Variants in LYN observed in about 807,000 individuals in gnomAD.
LYN encodes the protein LYN proto-oncogene, Src family tyrosine kinase, also known as tyrosine-protein kinase Lyn.
A neutral mutation model predicts 65.0 loss-of-function variants in LYN; 12 were observed. The observed-to-expected ratio is 0.18, with a 90% confidence interval of 0.12 to 0.30. LYN has a LOEUF of 0.30. LYN is among the 10% of genes least tolerant of loss of function. LYN has a pLI of 1.00. For synonymous variants in LYN, 222 were observed against 221.2 expected (o/e 1.00, Z -0.03); for missense variants, 380 against 623.2 (o/e 0.61, Z 4.16).
Position 56,012,311 on chromosome 8 carries a change from C to T in LYN, c.*2201C>T, listed in dbSNP as rs16920208. 10,028 of 179,932 alleles carry T rather than the reference C, an allele frequency of 0.056. 427 individuals are homozygous for T. The highest frequency in any genetic ancestry group is 0.13 in the African/African-American group (5,418 of 42,416). The allele number at this position is 179,932 out of a possible 1,614,324, so 11.1% of individuals were successfully genotyped here. A position where few individuals can be genotyped will look rare whatever the true frequency, so the allele number is the denominator to read the frequency against. On this transcript the variant is annotated 3_prime_UTR_variant, in exon 13 of 13. Coordinates refer to ENST00000519728, the MANE Select transcript of LYN (RefSeq NM_002350.4). ...GTATCCAGTGGTGTGCAAAATGGCT[C>T]ATGTCATCACACCTCAGGTTATTGT...
chr8:55,909,010 TACACACACACAC>T (rs369256669), intron 1 of LYN, among the ~76,000 whole-genome samples: 946 of 32,180 alleles, frequency 0.029, 50 homozygotes, highest in African/African-American at 0.047. Context: ...TATATATATA[TACACACACACAC>T]ACACACACAC....
intron 2 of LYN, among the ~76,000 whole-genome samples, chr8:55,945,114 G>A (rs1806736584): frequency 1.3e-5 from 2 of 152,248 alleles, no homozygotes; most frequent in South Asian, 4.1e-4. Flanking sequence ...GAGAAGGTGA[G>A]GTAGGGTTGA....
intron 1 of LYN, among the ~76,000 whole-genome samples, chr8:55,882,227 A>G (rs1029058341): frequency 6.6e-6 from 1 of 152,172 alleles, no homozygotes; most frequent in Admixed American, 6.5e-5. Flanking sequence ...GACCTACATT[A>G]TTTTAGAGTC....
At chr8:55,954,503 T>A (rs1807045373) in intron 8 of LYN, among the ~76,000 whole-genome samples, 1 of 152,188 alleles carries the variant, frequency 6.6e-6, no homozygotes, top group Non-Finnish European at 1.5e-5. Context: ...TAGCAGTGGC[T>A]TTTTCCAGGG....
intron 1 of LYN, among the ~76,000 whole-genome samples, chr8:55,935,245 CT>C (rs1266390256): frequency 1.3e-5 from 2 of 152,162 alleles, no homozygotes; most frequent in African/African-American, 4.8e-5. Context: ...CTGAAAAAGC[CT>C]TAAGTAGGGC....
chr8:55,907,253 C>CA (rs1404525272), intron 1 of LYN, among the ~76,000 whole-genome samples: 1 of 151,882 alleles, frequency 6.6e-6, no homozygotes, highest in Non-Finnish European at 1.5e-5. Context: ...ATTACTCAAC[C>CA]AAAAAAATGA....
intron 8 of LYN, among the ~76,000 whole-genome samples, chr8:55,962,340 G>A (rs1807310239): frequency 6.6e-6 from 1 of 152,056 alleles, no homozygotes; most frequent in Non-Finnish European, 1.5e-5. Context: ...GCCATATGGT[G>A]TTGGTGAGAT....
chr8:55,987,636 G>A (rs993907553), intron 10 of LYN, among the ~76,000 whole-genome samples: 2 of 152,004 alleles, frequency 1.3e-5, no homozygotes, highest in African/African-American at 4.8e-5. Flanking sequence ...GGCTGGTCTC[G>A]AACTCCTAGC....
At chr8:55,979,401 T>C (rs1031601413) in intron 10 of LYN, among the ~76,000 whole-genome samples, 1 of 152,202 alleles carries the variant, frequency 6.6e-6, no homozygotes, top group African/African-American at 2.4e-5. Flanking sequence ...ATAAAATTAC[T>C]GAGAGAGGAA....
At chr8:55,970,313 C>T (rs547092625) in intron 10 of LYN, among the ~76,000 whole-genome samples, 7 of 152,264 alleles carry the variant, frequency 4.6e-5, no homozygotes, top group African/African-American at 1.7e-4. Context: ...TTAGTACTAG[C>T]CTAGGAGTTG....
At chr8:55,934,048 A>G (rs1055240945) in intron 1 of LYN, among the ~76,000 whole-genome samples, 2 of 152,182 alleles carry the variant, frequency 1.3e-5, no homozygotes, top group Middle Eastern at 3.2e-3. Context: ...CAATATGGTG[A>G]AACCCCATCT....
chr8:55,996,761 G>T (rs372982802), intron 10 of LYN, among the ~76,000 whole-genome samples: 8 of 152,026 alleles, frequency 5.3e-5, no homozygotes, highest in Non-Finnish European at 8.8e-5. Flanking sequence ...ATTCAGCAAC[G>T]AGTAGTAGTT....
intron 12 of LYN, among the ~76,000 whole-genome samples, chr8:56,008,700 C>T (rs948917124): frequency 6.6e-6 from 1 of 152,114 alleles, no homozygotes; most frequent in South Asian, 2.1e-4. Context: ...TCTCTATTAC[C>T]AGGCCTTTTG....
intron 7 of LYN, 88 bp downstream of exon 7, chr8:55,952,203 T>C (rs1806970280): frequency 3.8e-6 from 4 of 1,043,874 alleles, no homozygotes; most frequent in African/African-American, 1.6e-5. Context: ...ATTAAAACTT[T>C]TTATGCATCG....
chr8:55,964,749 T>G (rs1009909187), intron 8 of LYN, among the ~76,000 whole-genome samples: 11 of 152,118 alleles, frequency 7.2e-5, no homozygotes, highest in Non-Finnish European at 1.3e-4. Flanking sequence ...GAGTACATAC[T>G]CATTGACAAA....
At chr8:55,976,299 CCTGAGTGACAGAG>C (rs1448224023) in intron 10 of LYN, among the ~76,000 whole-genome samples, 5 of 145,622 alleles carry the variant, frequency 3.4e-5, no homozygotes, top group African/African-American at 1.0e-4. Flanking sequence ...TACATTCCAG[CCTGAGTGACAGAG>C]CAAGACTCCA....
rs77017062 is a variant in LYN at position 55,897,486 on chromosome 8, T to C, written c.-6+17383T>C. 4.6e-3 allele frequency among the ~76,000 whole-genome samples: 696 copies of C among 152,290 alleles called. 8 individuals are homozygous for C. Among genetic ancestry groups the C allele is most frequent in the African/African-American group, 0.016 (672 of 41,556 alleles). ...CCAGAGTCTAGTAACAGTTCTGTCT[T>C]ACTGTTCAAATTTGCCTTTTCTACC... On this transcript the variant is annotated intron_variant, in intron 1 of 12. Transcript: ENST00000519728.
intron 1 of LYN, among the ~76,000 whole-genome samples, chr8:55,929,800 A>C (rs1377607096): frequency 6.6e-6 from 1 of 152,210 alleles, no homozygotes; most frequent in African/African-American, 2.4e-5. Flanking sequence ...GAGGTTGACA[A>C]ACCCTGTTGT....
intron 10 of LYN, among the ~76,000 whole-genome samples, chr8:55,970,165 C>T (rs562627651): frequency 6.6e-6 from 1 of 152,132 alleles, no homozygotes; most frequent in African/African-American, 2.4e-5. Flanking sequence ...ATTTAAGTTA[C>T]GAATCGAATG....
Sources: allele counts gnomAD v4.1 joint callset (sites outside exome capture counted in the v4.1 genomes callset), GRCh38; gene constraint gnomAD v4.1.1; transcripts MANE v1.5; gene names NCBI Gene and HGNC (gene_info 2026-07-23, HGNC 2026-07-21).